Variants in NCAPG2 observed in about 807,000 individuals in gnomAD.
The protein encoded by NCAPG2 is condensin-2 complex subunit G2.
NCAPG2 carries 53 observed loss-of-function variants against 141.1 expected under a neutral mutation model. The ratio of observed to expected loss-of-function variants is 0.38; its 90% confidence interval spans 0.30 to 0.47. NCAPG2 has a LOEUF of 0.47. NCAPG2 is among the 20% of genes least tolerant of loss of function. The probability of loss-of-function intolerance (pLI) is 0.99; values close to 1 mark genes in which losing one functional copy is unlikely to be tolerated. For synonymous variants in NCAPG2, 499 were observed against 490.7 expected, an observed-to-expected ratio of 1.02 and a Z score of -0.22; for missense variants, 1,087 against 1,389.0, an observed-to-expected ratio of 0.78 and a Z score of 3.46.
intron 27 of NCAPG2, among the ~76,000 whole-genome samples, chr7:158,635,174 TA>T (rs1404759098): frequency 2.0e-5 from 3 of 152,188 alleles, no homozygotes; most frequent in Non-Finnish European, 2.9e-5. Flanking sequence ...TGAATACTTT[TA>T]AATTATCCAC....
At chr7:158,647,901 C>T (rs1245458867) in intron 24 of NCAPG2, among the ~76,000 whole-genome samples, 3 of 152,002 alleles carry the variant, frequency 2.0e-5, no homozygotes, top group South Asian at 2.1e-4. Flanking sequence ...CCTAGGTTGG[C>T]CTCGAACTCC....
chr7:158,637,524 A>C (rs1475111248), intron 27 of NCAPG2, among the ~76,000 whole-genome samples: 1 of 152,242 alleles, frequency 6.6e-6, no homozygotes, highest in Admixed American at 6.5e-5. Context: ...ACCCCATCCG[A>C]GCCACACACA....
intron 27 of NCAPG2, among the ~76,000 whole-genome samples, chr7:158,643,023 C>T (rs1425055362): frequency 2.0e-5 from 3 of 151,970 alleles, no homozygotes; most frequent in Admixed American, 1.3e-4. Context: ...AGTGCAGTGG[C>T]GCAATCTCAG....
At chr7:158,699,101 T>C (rs947838270) in intron 2 of NCAPG2, among the ~76,000 whole-genome samples, 1 of 152,238 alleles carries the variant, frequency 6.6e-6, no homozygotes, top group African/African-American at 2.4e-5. Flanking sequence ...GCTTTATTAT[T>C]TCTCTATGTG....
Position 158,686,175 on chromosome 7 carries a change from C to A in NCAPG2, c.834G>T (p.Leu278=). 6.5e-7 allele frequency: 1 copy of A among 1,542,632 alleles called. No individual in the cohort carries two copies. The highest frequency in any genetic ancestry group is 8.8e-7 in the Non-Finnish European group (1 of 1,137,342). The change falls in exon 8 of 28, where the codon CTG becomes CTT. Residue 278 remains leucine (L), a synonymous_variant. Transcript: ENST00000356309. ...RAWKKASGKI[L]EAIENDCIQD... is the part of the protein sequence containing the mutation. ...ACATTTAAAAAAATGAAAATACCTC[C>A]AGTATTTTCCCTGAAGCCTTTTTCC...
intron 2 of NCAPG2, among the ~76,000 whole-genome samples, chr7:158,694,301 T>C (rs1233539667): frequency 1.3e-5 from 2 of 152,206 alleles, no homozygotes; most frequent in Non-Finnish European, 2.9e-5. Context: ...TGTCAGTGAA[T>C]AAACATAGAT....
At chr7:158,686,695 G>A (rs1834774443) in intron 7 of NCAPG2, among the ~76,000 whole-genome samples, 1 of 152,142 alleles carries the variant, frequency 6.6e-6, no homozygotes, top group Non-Finnish European at 1.5e-5. Context: ...TTCTGAAGAT[G>A]AGGAAATATG....
intron 17 of NCAPG2, 96 bp from the exon 18 acceptor site, chr7:158,656,801 G>T (rs932228061): frequency 6.5e-6 from 9 of 1,386,360 alleles, no homozygotes; most frequent in Middle Eastern, 2.5e-4. Flanking sequence ...AAAATCTGAC[G>T]GTGCATAAGC....
chr7:158,634,795 G>C (rs1830084518), intron 27 of NCAPG2, among the ~76,000 whole-genome samples: 1 of 152,142 alleles, frequency 6.6e-6, no homozygotes, highest in South Asian at 2.1e-4. Context: ...CCTGAAGCAA[G>C]AATTGAACAC....
chr7:158,667,441 CCCACTACTGGGTCCCTCCGCCCG>C (rs1833140974), intron 13 of NCAPG2, among the ~76,000 whole-genome samples: 1 of 139,988 alleles, frequency 7.1e-6, no homozygotes, highest in Non-Finnish European at 1.5e-5. Context: ...GCCCTCCTTA[CCCACTACTGGGTCCCTCCGCCCG>C]CCTTACCCAC....
chr7:158,662,966 A>G (rs567155408), intron 15 of NCAPG2, among the ~76,000 whole-genome samples: 16 of 152,338 alleles, frequency 1.1e-4, no homozygotes, highest in African/African-American at 3.6e-4. Flanking sequence ...TTTCCTGAAC[A>G]TATGCTGATA....
intron 22 of NCAPG2, 118 bp from the exon 23 acceptor site, chr7:158,652,598 G>T: frequency 1.2e-6 from 1 of 869,092 alleles, no homozygotes; most frequent in Non-Finnish European, 1.7e-6. Context: ...ATTACACTTT[G>T]GTATTTGGTG....
chr7:158,631,464 T>G lies in NCAPG2; in HGVS notation c.*202A>C. The G allele has an allele frequency of 3.4e-6, 2 of 594,522 alleles. No individual in the cohort carries two copies. The highest frequency in any genetic ancestry group is 5.9e-6 in the Non-Finnish European group (2 of 338,696). 36.8% of individuals were successfully genotyped at this position (594,522 alleles called of 1,614,324 possible). A position where few individuals can be genotyped will look rare whatever the true frequency, so the allele number is the denominator to read the frequency against. On this transcript the variant is annotated 3_prime_UTR_variant, in exon 28 of 28. Coordinates refer to ENST00000356309, the MANE Select transcript of NCAPG2 (RefSeq NM_017760.7). ...CCTGGAGTCCTTTATATTAAATATA[T>G]TATTTACGCAGGCACTAGGCAAAAT...
chr7:158,693,042 T>TA (rs1265613175), intron 3 of NCAPG2, 86 bp from the exon 4 acceptor site: 17 of 1,021,132 alleles, frequency 1.7e-5, no homozygotes, highest in Non-Finnish European at 2.9e-6. Context: ...ACAAATTTTC[T>TA]AAAAATCAAG....
intron 1 of NCAPG2, among the ~76,000 whole-genome samples, chr7:158,702,684 C>T (rs1835887498): frequency 6.6e-6 from 1 of 152,098 alleles, no homozygotes; most frequent in Non-Finnish European, 1.5e-5. Context: ...AAATGAAAAC[C>T]ACCTGCACCA....
At chr7:158,631,849 G>A in intron 27 of NCAPG2, 132 bp from the exon 28 acceptor site, 1 of 719,728 alleles carries the variant, frequency 1.4e-6, no homozygotes, top group South Asian at 1.7e-5. Flanking sequence ...ATAATCTATA[G>A]ATGTTTCATT....
intron 7 of NCAPG2, among the ~76,000 whole-genome samples, chr7:158,687,098 G>C (rs1395282378): frequency 6.6e-6 from 1 of 152,090 alleles, no homozygotes; most frequent in African/African-American, 2.4e-5. Context: ...GCGAGGCTAA[G>C]GTTCAACTGG....
intron 24 of NCAPG2, 51 bp downstream of exon 24, chr7:158,650,781 T>A: frequency 1.3e-6 from 2 of 1,554,512 alleles, no homozygotes; most frequent in Non-Finnish European, 1.7e-6. Flanking sequence ...AGAAACACCA[T>A]CTTGTGTCAT....
In NCAPG2 at chr7:158,698,603, T is replaced by C. The variant is rs150806002; in HGVS notation, c.78+3219A>G. Among the ~76,000 whole-genome samples the C allele has an allele frequency of 4.3e-3, 661 of 152,296 alleles. 5 individuals are homozygous for C. The highest frequency in any genetic ancestry group is 7.0e-3 in the Non-Finnish European group (478 of 68,020). On this transcript the variant is annotated intron_variant, in intron 2 of 27. Transcript: ENST00000356309. ...TACTGAGCTGCTCCATCTGGGTGTA[T>C]GTAAGCACACTTTAGGATGTTCACA...
Sources: allele counts gnomAD v4.1 joint callset (sites outside exome capture counted in the v4.1 genomes callset), GRCh38; gene constraint gnomAD v4.1.1; transcripts MANE v1.5; gene names NCBI Gene and HGNC (gene_info 2026-07-23, HGNC 2026-07-21).